VWDE: variants seen among roughly 807,000 people sequenced by gnomAD.
VWDE encodes von Willebrand factor D and EGF domains.
Under a neutral mutation model 178.4 loss-of-function variants are expected in VWDE, and 207 were observed. The observed-to-expected ratio is 1.16, with a 90% CI of 1.04 to 1.30. The LOEUF is 1.30. Among genes scored for constraint, VWDE ranks in the 50% most tolerant of loss-of-function variants. VWDE has a pLI of 0.00. For missense variants in VWDE, 2,287 were observed against 1,901.3 expected (o/e 1.20, Z -3.77); for synonymous variants, 738 against 651.4 (o/e 1.13, Z -2.02).
chr7:12,351,504 T>A (rs961779345), intron 19 of VWDE, 69 bp downstream of exon 19: 2 of 1,437,410 alleles, frequency 1.4e-6, no homozygotes, highest in African/African-American at 2.9e-5. Flanking sequence ...GGAATAAATA[T>A]GTTGGTCTTC....
chr7:12,370,832 A>G lies in VWDE; in HGVS notation c.1620T>C (p.Ala540=). 1 of 1,544,860 alleles carries G rather than the reference A, an allele frequency of 6.5e-7. No individual in the cohort carries two copies. Among genetic ancestry groups the G allele is most frequent in the Admixed American group, 2.0e-5 (1 of 49,800 alleles). Residue 540 remains alanine (A), a synonymous_variant, in exon 11 of 29, where the codon GCT becomes GCC. Coordinates refer to ENST00000275358, the MANE Select transcript of VWDE (RefSeq NM_001135924.3). ...IWFSSGAFIR[A]DLGEWGMSLT... is the part of the protein sequence containing the mutation. The stretch of plus-strand genomic sequence containing the variant: ...GACTCATGCCCCATTCACCAAGATC[A>G]GCACGGATAAATGCCCCAGAAGAAA...
rs1404363151 is a variant in VWDE, at chr7:12,389,233, T to A, written c.369A>T (p.Thr123=). Reference sequence around the variant, plus strand: ...GGATTTGAAAGAGACAGCAGTCTTTTGTAGTGCTGAACAAAAACTGCCATG... The same window carrying A: ...GGATTTGAAAGAGACAGCAGTCTTTAGTAGTGCTGAACAAAAACTGCCATG... ...CATWQFLFST[T]KDCCLFQIPV... Residue 123 remains threonine (T), a synonymous_variant, in exon 3 of 29, where the codon ACA becomes ACT. Transcript: ENST00000275358. The A allele has an allele frequency of 1.9e-6, 3 of 1,551,718 alleles. No homozygotes were observed. The highest frequency in any genetic ancestry group is 1.2e-5 in the South Asian group (1 of 84,058).
At chr7:12,367,674 G>A (rs1188034005) in intron 12 of VWDE, among the ~76,000 whole-genome samples, 181 bp from the exon 13 acceptor site, 2 of 151,890 alleles carry the variant, frequency 1.3e-5, no homozygotes, top group East Asian at 1.9e-4. Flanking sequence ...ATTAGAAGAG[G>A]TATCTACCAT....
At chr7:12,340,274 A>G in intron 24 of VWDE, 48 bp downstream of exon 24, 1 of 1,399,628 alleles carries the variant, frequency 7.1e-7, no homozygotes, top group Non-Finnish European at 9.9e-7. Flanking sequence ...CTCTGTTGAT[A>G]TCTAACTTTC....
Position 12,342,171 on chromosome 7 carries a change from A to T in VWDE, c.4175-17T>A. The T allele has an allele frequency of 3.2e-6, 5 of 1,547,816 alleles. No homozygotes were observed. Among genetic ancestry groups the T allele is most frequent in the Non-Finnish European group, 4.4e-6 (5 of 1,143,786 alleles). ...TACAAACCACTGAGATCATAGAATA[A>T]AGAGAAAAGAAAGATTAGGCTTGGA... On this transcript the variant is annotated splice_polypyrimidine_tract_variant and intron_variant, in intron 22 of 28. Transcript: ENST00000275358.
At chr7:12,400,174 G>T (rs1005415149) in intron 1 of VWDE, among the ~76,000 whole-genome samples, 2 of 151,946 alleles carry the variant, frequency 1.3e-5, no homozygotes, top group Admixed American at 6.6e-5. Context: ...AAAAATAAGA[G>T]CATTCTAAAC....
Position 12,331,024 on chromosome 7 carries a change from G to T in VWDE, c.*159C>A. 1.8e-6 allele frequency: 1 copy of T among 547,990 alleles called. No homozygotes were observed. The highest frequency in any genetic ancestry group is 3.1e-6 in the Non-Finnish European group (1 of 322,244). 33.9% of individuals were successfully genotyped at this position (547,990 alleles called of 1,614,324 possible). Reference sequence around the variant, plus strand: ...GGATTTCTTCTTTGCTTTTCTCTATGATTACAACAGAGATCATTATGTATT... The same window carrying T: ...GGATTTCTTCTTTGCTTTTCTCTATTATTACAACAGAGATCATTATGTATT... On this transcript the variant is annotated 3_prime_UTR_variant, in exon 29 of 29. Transcript: ENST00000275358.
chr7:12,382,173 G>T (rs921402641), intron 4 of VWDE, among the ~76,000 whole-genome samples: 9 of 151,572 alleles, frequency 5.9e-5, no homozygotes, highest in African/African-American at 1.2e-4. Flanking sequence ...TGTGCAATTT[G>T]CATAGCAGAG....
intron 6 of VWDE, among the ~76,000 whole-genome samples, chr7:12,378,997 A>G (rs923548534): frequency 4.6e-5 from 7 of 152,150 alleles, no homozygotes; most frequent in Admixed American, 4.6e-4. Context: ...CTCATCTGCT[A>G]GAATAGCTCT....
intron 19 of VWDE, among the ~76,000 whole-genome samples, chr7:12,351,327 A>G (rs1781926076): frequency 6.6e-6 from 1 of 152,134 alleles, no homozygotes. Flanking sequence ...TTCCAACCAT[A>G]AGCTTCTCCG....
intron 23 of VWDE, 78 bp from the exon 24 acceptor site, chr7:12,340,495 G>C: frequency 1.0e-6 from 1 of 967,940 alleles, no homozygotes; most frequent in Non-Finnish European, 1.5e-6. Flanking sequence ...AGTGCAAAAT[G>C]GTGCATAATG....
chr7:12,382,632 G>C (rs970327410), intron 4 of VWDE, among the ~76,000 whole-genome samples: 1 of 151,578 alleles, frequency 6.6e-6, no homozygotes, highest in African/African-American at 2.4e-5. Context: ...TTTATGGCTT[G>C]TTCCACCATA....
chr7:12,369,347 T>C (rs950796629), intron 12 of VWDE, among the ~76,000 whole-genome samples, 198 bp downstream of exon 12: 3 of 152,124 alleles, frequency 2.0e-5, no homozygotes, highest in Admixed American at 6.6e-5. Flanking sequence ...TAGGCTGTTA[T>C]AAGTTACTTT....
intron 2 of VWDE, 24 bp downstream of exon 2, chr7:12,393,570 G>A: frequency 6.8e-7 from 1 of 1,476,614 alleles, no homozygotes; most frequent in East Asian, 2.6e-5. Context: ...AAAATAACAT[G>A]CAGTACTTAG....
At position 12,344,289 on chromosome 7, in the gene VWDE, A is replaced by G; in HGVS notation, c.3984T>C (p.Ala1328=). Residue 1328 remains alanine (A), a splice_region_variant and synonymous_variant, in exon 21 of 29, where the codon GCT becomes GCC. Transcript: ENST00000275358. ...GGTTTTTGCAATCAGGGTCACAAAG[A>G]GCTGTATAAAATAAAGCCCAAGTTT... ...PGYIGSNCQT[A]LCDPDCKNHG... is the part of the protein sequence containing the mutation. The G allele has an allele frequency of 6.4e-7, 1 of 1,551,112 alleles. No individual in the cohort carries two copies. The highest frequency in any genetic ancestry group is 8.7e-7 in the Non-Finnish European group (1 of 1,146,582).
intron 24 of VWDE, among the ~76,000 whole-genome samples, chr7:12,339,825 T>G (rs1177087657): frequency 6.6e-6 from 1 of 152,116 alleles, no homozygotes; most frequent in African/African-American, 2.4e-5. Context: ...AGGGAAAGTG[T>G]TAAAATACTA....
intron 19 of VWDE, among the ~76,000 whole-genome samples, chr7:12,348,392 A>G (rs1383890643): frequency 1.4e-5 from 2 of 143,698 alleles, no homozygotes; most frequent in African/African-American, 5.5e-5. Context: ...AAAAACAAAC[A>G]ACCCCATCAA....
chr7:12,335,035 T>C (rs1204690104), intron 27 of VWDE, among the ~76,000 whole-genome samples: 2 of 152,010 alleles, frequency 1.3e-5, no homozygotes, highest in Non-Finnish European at 2.9e-5. Flanking sequence ...GGTCTAAGAG[T>C]CACAAAAACT....
At position 12,403,778 on chromosome 7, in the gene VWDE, T is replaced by C; in HGVS notation, c.-62A>G. ...GCCCGGGCCGCGGGTGCCAGGAGGA[T>C]GGGGCCACAGCAGCCCCTCGGGCCT... is the stretch of plus-strand genomic sequence containing the variant. On this transcript the variant is annotated 5_prime_UTR_variant, in exon 1 of 29. Coordinates refer to ENST00000275358, the MANE Select transcript of VWDE (RefSeq NM_001135924.3). The C allele has an allele frequency of 6.6e-7, 1 of 1,521,402 alleles. No individual in the cohort carries two copies. The highest frequency in any genetic ancestry group is 2.0e-5 in the Admixed American group (1 of 50,746). 94.2% of individuals were successfully genotyped at this position (1,521,402 alleles called of 1,614,324 possible).
Sources: allele counts gnomAD v4.1 joint callset (sites outside exome capture counted in the v4.1 genomes callset), GRCh38; gene constraint gnomAD v4.1.1; transcripts MANE v1.5; gene names NCBI Gene and HGNC (gene_info 2026-07-23, HGNC 2026-07-21).